The following CPNE8 variants were observed in gnomAD, a reference collection of about 807,000 sequenced individuals.
CPNE8 encodes the protein copine-8.
A neutral mutation model predicts 81.5 loss-of-function variants in CPNE8; 45 were observed. The ratio of observed to expected loss-of-function variants is 0.55; its 90% CI spans 0.44 to 0.71. The LOEUF is 0.71. CPNE8 is among the 30% of genes least tolerant of loss of function. CPNE8 has a pLI of 0.00. For synonymous variants in CPNE8, 252 were observed against 226.3 expected (o/e 1.11, Z -1.02); for missense variants, 594 against 672.1 (o/e 0.88, Z 1.28).
rs955594651 is a variant in CPNE8, at chr12:38,664,891, G to A, written c.1506+5838C>T. The stretch of plus-strand genomic sequence containing the variant: ...CACTGCCCACAGGTTGAGAACCACT[G>A]TCATAGGAAGTCACTGTTATCAAAC... On this transcript the variant is annotated intron_variant, in intron 19 of 19. Transcript: ENST00000331366. Among the ~76,000 whole-genome samples, 10 of 152,056 alleles carry A rather than the reference G, an allele frequency of 6.6e-5. No homozygotes were observed. The East Asian group carries it at 9.6e-4, about 15-fold the overall frequency.
At chr12:38,703,276 A>T (rs11169189) in intron 13 of CPNE8, among the ~76,000 whole-genome samples, 50,202 of 152,068 alleles carry the variant, frequency 0.33, 9,936 homozygotes, top group Non-Finnish European at 0.45. Flanking sequence ...TATGTTTCCA[A>T]AATTGTTCTG....
rs201716600 is a variant in CPNE8 at position 38,704,832 on chromosome 12, A to ATATGTGTG, written c.915-1912_915-1911insCACACATA. On this transcript the variant is annotated intron_variant, in intron 13 of 19. Coordinates refer to ENST00000331366, the MANE Select transcript of CPNE8 (RefSeq NM_153634.3). ...TCTGTGTGTGTATGTATGTGTATAT[A>ATATGTGTG]TATATATATATATATATATATATAT... 4.3e-4 allele frequency among the ~76,000 whole-genome samples: 32 copies of ATATGTGTG among 74,190 alleles called. 1 individual carries two copies. Among genetic ancestry groups the ATATGTGTG allele is most frequent in the African/African-American group, 4.7e-4 (14 of 29,494 alleles). 48.7% of individuals were successfully genotyped at this position (74,190 alleles called of 152,430 possible).
chr12:38,797,433 A>T (rs568588544), intron 6 of CPNE8, among the ~76,000 whole-genome samples: 2 of 152,304 alleles, frequency 1.3e-5, no homozygotes, highest in East Asian at 3.9e-4. Context: ...ATACCCAGGC[A>T]AACAGGGTCT....
intron 19 of CPNE8, among the ~76,000 whole-genome samples, chr12:38,669,658 C>G (rs74373498): frequency 0.02 from 3,005 of 152,260 alleles, 97 homozygotes; most frequent in African/African-American, 0.068. Flanking sequence ...TGACTACAAG[C>G]AGCCACAAAG....
chr12:38,783,616 G>T (rs1305158707), intron 6 of CPNE8, among the ~76,000 whole-genome samples: 1 of 152,166 alleles, frequency 6.6e-6, no homozygotes, highest in African/African-American at 2.4e-5. Flanking sequence ...AGTGATGATA[G>T]CCAAAGACAG....
intron 1 of CPNE8, among the ~76,000 whole-genome samples, chr12:38,883,117 C>T (rs1944185765): frequency 2.0e-5 from 3 of 152,212 alleles, no homozygotes; most frequent in African/African-American, 7.2e-5. Flanking sequence ...TTAACCCTCA[C>T]CATAATCCTA....
intron 6 of CPNE8, among the ~76,000 whole-genome samples, chr12:38,813,444 C>T (rs1942970067): frequency 6.6e-6 from 1 of 152,112 alleles, no homozygotes; most frequent in Non-Finnish European, 1.5e-5. Flanking sequence ...TCTAGTGATG[C>T]TATCACAGAA....
intron 13 of CPNE8, among the ~76,000 whole-genome samples, chr12:38,720,416 C>G (rs566805739): frequency 3.9e-5 from 6 of 151,924 alleles, no homozygotes; most frequent in Admixed American, 3.9e-4. Flanking sequence ...AGACTCACAC[C>G]CAAATATTGC....
intron 5 of CPNE8, among the ~76,000 whole-genome samples, chr12:38,835,638 G>A (rs748651517): frequency 5.3e-5 from 8 of 151,940 alleles, no homozygotes; most frequent in African/African-American, 1.7e-4. Flanking sequence ...CTATATATAC[G>A]TTAAATTAGC....
chr12:38,768,440 C>A (rs987542202), intron 7 of CPNE8, among the ~76,000 whole-genome samples: 10 of 151,996 alleles, frequency 6.6e-5, no homozygotes, highest in Admixed American at 5.9e-4. Context: ...TATTGATAAC[C>A]ATTTTTAAAG....
intron 10 of CPNE8, among the ~76,000 whole-genome samples, chr12:38,754,953 CAAAA>C (rs1207063550): frequency 6.6e-6 from 1 of 152,022 alleles, no homozygotes; most frequent in Non-Finnish European, 1.5e-5. Context: ...AGTGAGGAAA[CAAAA>C]TAAATACGAA....
Position 38,829,462 on chromosome 12 carries a change from T to C in CPNE8, c.331-7A>G. On this transcript the variant is annotated splice_region_variant and splice_polypyrimidine_tract_variant and intron_variant, in intron 5 of 19. Transcript: ENST00000331366. ...ACACTTGTCCCAGAAAGTCCTGAAA[T>C]AGATAAAAAGATTAAAGCTCATAAG... The C allele has an allele frequency of 6.2e-7, 1 of 1,602,940 alleles. No homozygotes were observed. Among genetic ancestry groups the C allele is most frequent in the Non-Finnish European group, 8.5e-7 (1 of 1,170,126 alleles).
chr12:38,700,598 T>C (rs1295232071), intron 14 of CPNE8, among the ~76,000 whole-genome samples: 1 of 152,164 alleles, frequency 6.6e-6, no homozygotes, highest in Admixed American at 6.5e-5. Context: ...TAAAATGCTT[T>C]TCCTGCATCA....
chr12:38,655,060 AT>A (rs1938787714), intron 19 of CPNE8, among the ~76,000 whole-genome samples: 1 of 152,104 alleles, frequency 6.6e-6, no homozygotes, highest in Non-Finnish European at 1.5e-5. Context: ...TTGGCATAAG[AT>A]TTGGGTATAT....
At chr12:38,791,738 C>T (rs894271938) in intron 6 of CPNE8, among the ~76,000 whole-genome samples, 2 of 151,562 alleles carry the variant, frequency 1.3e-5, no homozygotes, top group South Asian at 2.1e-4. Context: ...ACCAACTGGA[C>T]TTAAAAGACA....
intron 10 of CPNE8, among the ~76,000 whole-genome samples, chr12:38,760,435 G>GTATATATATATA (rs139244982): frequency 0.11 from 13,779 of 126,896 alleles, 1,392 homozygotes; most frequent in East Asian, 0.24. Context: ...TGTATGGTGT[G>GTATATATATATA]TATATATATA....
chr12:38,746,877 T>G (rs1941237129), intron 10 of CPNE8, among the ~76,000 whole-genome samples: 2 of 152,200 alleles, frequency 1.3e-5, no homozygotes, highest in Non-Finnish European at 2.9e-5. Context: ...TTAGATGGTT[T>G]TTGTCTCCCG....
chr12:38,710,503 G>A (rs968846760), intron 13 of CPNE8, among the ~76,000 whole-genome samples: 4 of 151,964 alleles, frequency 2.6e-5, no homozygotes, highest in Admixed American at 6.6e-5. Context: ...ATGACAGACA[G>A]GTAACAACCA....
intron 13 of CPNE8, among the ~76,000 whole-genome samples, chr12:38,720,336 A>T (rs1592036342): frequency 6.6e-6 from 1 of 152,212 alleles, no homozygotes; most frequent in Non-Finnish European, 1.5e-5. Context: ...AAGAATTTTC[A>T]GCAGGAGAAT....
Sources: gnomAD v4.1 joint callset for allele counts (sites outside exome capture counted in the v4.1 genomes callset) on GRCh38, gnomAD v4.1.1 for gene constraint, MANE v1.5 for transcripts, NCBI Gene and HGNC (gene_info 2026-07-23, HGNC 2026-07-21) for gene names.